TRAP1: variants seen among roughly 807,000 people sequenced by gnomAD.
TRAP1 encodes heat shock protein 75 kDa, mitochondrial.
Under a neutral mutation model 89.1 loss-of-function variants are expected in TRAP1, and 102 were observed. The observed-to-expected ratio is 1.15, with a 90% CI of 0.98 to 1.35. TRAP1 has a LOEUF of 1.35. TRAP1 is among the 40% of genes most tolerant of loss of function. The pLI is 0.00. For missense variants in TRAP1, 1,256 were observed against 945.3 expected (o/e 1.33, Z -4.31); for synonymous variants, 508 against 388.0 (o/e 1.31, Z -3.64).
chr16:3,666,360 A>G (rs2050829454), intron 11 of TRAP1, among the ~76,000 whole-genome samples: 1 of 118,898 alleles, frequency 8.4e-6, no homozygotes, highest in South Asian at 2.6e-4. Context: ...CGATGCCCCC[A>G]GAGACAAGAT....
chr16:3,662,132 C>T lies in TRAP1; in HGVS notation c.1795G>A (p.Val599Met), dbSNP rs202172023. 3 of 1,610,800 alleles carry T rather than the reference C, an allele frequency of 1.9e-6. No individual in the cohort carries two copies. In the East Asian group the frequency reaches 6.7e-5, roughly 36 times the overall value. ...VLGSRVTNVK[V>M]TLRLDTHPAM... ...GGGTGGGTGTCCAGTCGGAGGGTCA[C>T]CTGTGAGCAAAGCCCGGGGTTGAGG... Residue 599 changes from valine to methionine, a missense_variant and splice_region_variant, in exon 16 of 18, where the codon GTG (valine) becomes ATG (methionine). Coordinates refer to ENST00000246957, the MANE Select transcript of TRAP1 (RefSeq NM_016292.3).
intron 15 of TRAP1, 181 bp downstream of exon 15, chr16:3,662,701 C>T: frequency 1.4e-6 from 1 of 703,772 alleles, no homozygotes. Flanking sequence ...GGCCTTCCTG[C>T]CTCAGCGGCA....
At chr16:3,682,280 A>T (rs1203854808) in intron 4 of TRAP1, among the ~76,000 whole-genome samples, 1 of 151,974 alleles carries the variant, frequency 6.6e-6, no homozygotes, top group African/African-American at 2.4e-5. Context: ...GCTGGACACA[A>T]CAGCTCACAT....
At chr16:3,663,112 T>A in intron 14 of TRAP1, 145 bp from the exon 15 acceptor site, 1 of 714,256 alleles carries the variant, frequency 1.4e-6, no homozygotes, top group Non-Finnish European at 2.3e-6. Flanking sequence ...CATCTAAAAG[T>A]AAAACCTCAA....
rs144542666 is a variant in TRAP1, at chr16:3,676,986, G to A, written c.704+512C>T. On this transcript the variant is annotated intron_variant, in intron 6 of 17. Transcript: ENST00000246957. ...GGCCAATTGCTTGAACCTGGGAGGC[G>A]GAGGTGGCAGTGAGCCAAGATTGTG... 7.4e-3 allele frequency: 1,149 copies of A among 155,286 alleles called. 10 individuals are homozygous for A. The highest frequency in any genetic ancestry group is 0.025 in the African/African-American group (1,047 of 41,492). The allele number at this position is 155,286 out of a possible 1,614,324, so 9.6% of individuals were successfully genotyped here.
In TRAP1 at chr16:3,689,072, G is replaced by T; in HGVS notation, c.313C>A (p.Leu105Met). ...GAACGCACCTCTTTTTCTGAGTACA[G>T]GGACCGGGCAACAATGTCCAAAAGC... ...KKLLDIVARS[L>M]YSEKEVFIRE... Residue 105 changes from leucine to methionine, a missense_variant, in exon 3 of 18, where the codon CTG becomes ATG. Transcript: ENST00000246957. 6.2e-7 allele frequency: 1 copy of T among 1,613,796 alleles called. No individual in the cohort carries two copies. The highest frequency in any genetic ancestry group is 8.5e-7 in the Non-Finnish European group (1 of 1,179,846).
chr16:3,674,565 G>C (rs1482874227), intron 8 of TRAP1, 71 bp from the exon 9 acceptor site: 3 of 1,561,864 alleles, frequency 1.9e-6, no homozygotes, highest in Admixed American at 1.8e-5. Flanking sequence ...GTGCAGGCCT[G>C]AGCCAGTGCA....
intron 1 of TRAP1, among the ~76,000 whole-genome samples, chr16:3,715,010 G>T (rs2151287817): frequency 6.6e-6 from 1 of 152,270 alleles, no homozygotes; most frequent in East Asian, 1.9e-4. Flanking sequence ...CATCCACACA[G>T]GTGACAATGA....
rs749020703 is a variant in TRAP1, at chr16:3,664,345, G to A, written c.1498C>T (p.Leu500=). The A allele has an allele frequency of 1.4e-5, 23 of 1,613,038 alleles. No homozygotes were observed. Among genetic ancestry groups the A allele is most frequent in the Non-Finnish European group, 1.9e-5 (23 of 1,179,692 alleles). The part of the protein sequence containing the change: ...MRAGTRNIYY[L]CAPNRHLAEH... ...GCCAGGTGACGGTTGGGGGCGCACA[G>A]GTAGTAGATGTTGCGGGTGCCGGCC... is the stretch of plus-strand genomic sequence containing the variant. The change falls in exon 13 of 18, where the codon CTG becomes TTG. Residue 500 remains leucine, a synonymous_variant. Transcript: ENST00000246957.
At chr16:3,715,754 C>T (rs2051590239) in intron 1 of TRAP1, among the ~76,000 whole-genome samples, 1 of 152,134 alleles carries the variant, frequency 6.6e-6, no homozygotes, top group Non-Finnish European at 1.5e-5. Flanking sequence ...GGAGACCAGC[C>T]TGGCCAACAT....
chr16:3,712,917 G>A lies in TRAP1; in HGVS notation c.88+4504C>T, dbSNP rs145254766. ...AGACGAGAGCCACCGCGCCCGGCCT[G>A]ATGTGTTCTTTTTCAGGCACTCAGA... On this transcript the variant is annotated intron_variant, in intron 1 of 17. Coordinates refer to ENST00000246957, the MANE Select transcript of TRAP1 (RefSeq NM_016292.3). Among the ~76,000 whole-genome samples, 1,113 of 152,214 alleles carry A rather than the reference G, an allele frequency of 7.3e-3. 16 individuals carry two copies. Among genetic ancestry groups the A allele is most frequent in the African/African-American group, 0.026 (1,064 of 41,542 alleles).
chr16:3,665,928 G>T, intron 12 of TRAP1, 43 bp downstream of exon 12: 1 of 1,592,572 alleles, frequency 6.3e-7, no homozygotes, highest in South Asian at 1.1e-5. Flanking sequence ...CAGCCCCAGG[G>T]ACAAGGTGGC....
intron 11 of TRAP1, among the ~76,000 whole-genome samples, chr16:3,669,561 G>C (rs571001109): frequency 1.1e-4 from 16 of 152,058 alleles, no homozygotes; most frequent in Non-Finnish European, 2.4e-4. Flanking sequence ...CAGGCCAGGC[G>C]CGGTGGCTCA....
At position 3,658,740 on chromosome 16, in the gene TRAP1, T is replaced by TG. The variant is rs2042878289; in HGVS notation, c.2013+52dup. 7 of 1,541,282 alleles carry TG rather than the reference T, an allele frequency of 4.5e-6. No homozygotes were observed. In the East Asian group the frequency reaches 9.1e-5, roughly 20 times the overall value. On this transcript the variant is annotated intron_variant, in intron 17 of 17. Transcript: ENST00000246957. The stretch of plus-strand genomic sequence containing the variant: ...CCGCTGTTCCACCCTGAAGGCAGGC[T>TG]GGCAGGGCTGGTAGCCTGGGTCCCT...
At chr16:3,708,172 C>A (rs891600354) in intron 1 of TRAP1, among the ~76,000 whole-genome samples, 1 of 151,266 alleles carries the variant, frequency 6.6e-6, no homozygotes, top group East Asian at 2.0e-4. Context: ...CACTCCAGCC[C>A]GGATGACAAA....
At chr16:3,662,731 G>C (rs557944155) in intron 15 of TRAP1, 151 bp downstream of exon 15, 9 of 745,260 alleles carry the variant, frequency 1.2e-5, no homozygotes, top group South Asian at 1.0e-4. Flanking sequence ...AACACGTGCC[G>C]AGCAGGGACC....
At chr16:3,667,533 G>C (rs2050852463) in intron 11 of TRAP1, among the ~76,000 whole-genome samples, 1 of 151,436 alleles carries the variant, frequency 6.6e-6, no homozygotes, top group African/African-American at 2.4e-5. Flanking sequence ...GCTGAGGCAG[G>C]AGAATCGCTT....
chr16:3,687,727 A>C (rs2051155480), intron 3 of TRAP1, among the ~76,000 whole-genome samples: 1 of 152,100 alleles, frequency 6.6e-6, no homozygotes, highest in Admixed American at 6.6e-5. Flanking sequence ...CTACAAAAAA[A>C]TACAAATATC....
At chr16:3,707,529 A>G (rs566881126) in intron 1 of TRAP1, among the ~76,000 whole-genome samples, 4 of 151,900 alleles carry the variant, frequency 2.6e-5, no homozygotes, top group African/African-American at 4.8e-5. Flanking sequence ...CCAAAAGGCC[A>G]TAAATATAAG....
Sources: allele counts gnomAD v4.1 joint callset (sites outside exome capture counted in the v4.1 genomes callset), GRCh38; gene constraint gnomAD v4.1.1; transcripts MANE v1.5; gene names NCBI Gene and HGNC (gene_info 2026-07-23, HGNC 2026-07-21).